RNF223: variants seen among roughly 807,000 people sequenced by gnomAD.
RNF223 encodes ring finger protein 223.
In RNF223, 10 loss-of-function variants were observed where a neutral mutation model predicts 13.9. The observed-to-expected ratio is 0.72, with a 90% CI of 0.44 to 1.22. RNF223 has a LOEUF of 1.22. Among genes scored for constraint, RNF223 ranks in the 50% most tolerant of loss-of-function variants. The pLI is 0.00. For missense variants in RNF223, 379 were observed against 380.0 expected, an observed-to-expected ratio of 1.00 and a Z score of 0.02; for synonymous variants, 168 against 173.3, an observed-to-expected ratio of 0.97 and a Z score of 0.24.
rs547452996 is a variant in RNF223 at position 1,072,288 on chromosome 1, A to G, written c.279T>C (p.Gly93=). 3.5e-6 allele frequency: 5 copies of G among 1,443,430 alleles called. No individual in the cohort carries two copies. The East Asian group carries it at 7.8e-5, about 23-fold the overall frequency. 89.4% of individuals were successfully genotyped at this position (1,443,430 alleles called of 1,614,324 possible). A position where few individuals can be genotyped will look rare whatever the true frequency, so the allele number is the denominator to read the frequency against. The part of the protein sequence containing the change: ...AAAQPVGRPG[G]EAVPCPFCRQ... ...TGCAGAAGGGGCAAGGTACAGCCTC[A>G]CCACCGGGGCGGCCCACAGGCTGAG... is the stretch of plus-strand genomic sequence containing the variant. The change falls in exon 2 of 2, where the codon GGT becomes GGC. Residue 93 remains glycine, a synonymous_variant. Transcript: ENST00000453464.
At chr1:1,072,653 G>C (rs562710654) in intron 1 of RNF223, 78 bp from the exon 2 acceptor site, 2 of 1,192,814 alleles carry the variant, frequency 1.7e-6, no homozygotes, top group Non-Finnish European at 2.3e-6. Flanking sequence ...CCCCTCTCTC[G>C]CCCCAGAGAT....
rs188944294 is a variant in RNF223, at chr1:1,072,350, C to T, written c.217G>A (p.Val73Ile). Residue 73 changes from valine to isoleucine, a missense_variant, in exon 2 of 2, where the codon GTC becomes ATC. Coordinates refer to ENST00000453464, the MANE Select transcript of RNF223 (RefSeq NM_001205252.2). The part of the protein sequence containing the change: ...KTPKELSCTH[V>I]FCLECLARLA... ...CGGGCCAGGCACTCCAGGCAGAAGACGTGGGTGCAGGAGAGCTCCTTGGGT... is the reference window on the plus strand; with the variant it reads ...CGGGCCAGGCACTCCAGGCAGAAGATGTGGGTGCAGGAGAGCTCCTTGGGT... The T allele has an allele frequency of 3.2e-4, 471 of 1,452,346 alleles. 3 individuals carry two copies. The Middle Eastern group carries it at 3.4e-3, about 10-fold the overall frequency. The allele number at this position is 1,452,346 out of a possible 1,614,324, so 90.0% of individuals were successfully genotyped here. A position where few individuals can be genotyped will look rare whatever the true frequency, so the allele number is the denominator to read the frequency against.
chr1:1,071,838 G>T lies in RNF223; in HGVS notation c.729C>A (p.Leu243=), dbSNP rs775705819. The change falls in exon 2 of 2, where the codon CTC becomes CTA. Residue 243 remains leucine (L), a synonymous_variant. Transcript: ENST00000453464. The part of the protein sequence containing the change: ...PPATSTAASP[L]GPLTDN Reference sequence around the variant, plus strand: ...GGCCCTAATTATCAGTCAGAGGCCCGAGGGGGGAGGCGGCTGTGCTGGTGG... The same window carrying T: ...GGCCCTAATTATCAGTCAGAGGCCCTAGGGGGGAGGCGGCTGTGCTGGTGG... 1 of 1,517,240 alleles carries T rather than the reference G, an allele frequency of 6.6e-7. No individual in the cohort carries two copies. The highest frequency in any genetic ancestry group is 1.2e-5 in the South Asian group (1 of 81,338). 94.0% of individuals were successfully genotyped at this position (1,517,240 alleles called of 1,614,324 possible). A position where few individuals can be genotyped will look rare whatever the true frequency, so the allele number is the denominator to read the frequency against.
In RNF223 at chr1:1,072,511, C is replaced by T. The variant is rs1165634251; in HGVS notation, c.56G>A (p.Ser19Asn). ...GGACCTGGGCATCGAGGCTATGGAG[C>T]TGCTCCGGCGAGGGGGTGGCACAGC... is the stretch of plus-strand genomic sequence containing the variant. ...HTAVPPPRRS[S>N]SIASMPRSPS... Residue 19 changes from serine to asparagine, a missense_variant, in exon 2 of 2, where the codon AGC becomes AAC. Ser to Asn is a conservative substitution (Grantham distance 46). Transcript: ENST00000453464. 1.3e-6 allele frequency: 2 copies of T among 1,532,148 alleles called. No homozygotes were observed. The highest frequency in any genetic ancestry group is 4.9e-5 in the East Asian group (2 of 40,664). 94.9% of individuals were successfully genotyped at this position (1,532,148 alleles called of 1,614,324 possible).
Position 1,072,325 on chromosome 1 carries a change from C to CGG in RNF223, c.240_241dup (p.Arg81ProfsTer85). The CGG allele has an allele frequency of 6.9e-7, 1 of 1,446,662 alleles. No individual in the cohort carries two copies. The allele number at this position is 1,446,662 out of a possible 1,614,324, so 89.6% of individuals were successfully genotyped here. A position where few individuals can be genotyped will look rare whatever the true frequency, so the allele number is the denominator to read the frequency against. On this transcript the variant is annotated frameshift_variant, in exon 2 of 2. Transcript: ENST00000453464. LOFTEE classifies it high-confidence loss of function. The stretch of plus-strand genomic sequence containing the variant: ...GCCCACAGGCTGAGCAGCCGCCAGC[C>CGG]GGGCCAGGCACTCCAGGCAGAAGAC...
In RNF223 at chr1:1,071,996, A is replaced by G. The variant is rs1645642915; in HGVS notation, c.571T>C (p.Cys191Arg). The G allele has an allele frequency of 2.0e-6, 3 of 1,510,390 alleles. No individual in the cohort carries two copies. Among genetic ancestry groups the G allele is most frequent in the Non-Finnish European group, 1.8e-6 (2 of 1,136,722 alleles). The allele number at this position is 1,510,390 out of a possible 1,614,324, so 93.6% of individuals were successfully genotyped here. A position where few individuals can be genotyped will look rare whatever the true frequency, so the allele number is the denominator to read the frequency against. ...AGTGCCATGCGCCTCCAGTCCCTGC[A>G]GCGCGCCCAGCAGCGGGCCAGGCGG... ...RGRLARCWAR[C>R]RDWRRMALVS... The change falls in exon 2 of 2, where the codon TGC (cysteine) becomes CGC (arginine). Residue 191 changes from cysteine (C) to arginine (R), a missense_variant. Transcript: ENST00000453464.
intron 1 of RNF223, among the ~76,000 whole-genome samples, chr1:1,072,958 G>T (rs1645653535): frequency 6.6e-6 from 1 of 152,224 alleles, no homozygotes; most frequent in Non-Finnish European, 1.5e-5. Context: ...TGTTTATGTC[G>T]GAGCTCTGCA....
chr1:1,071,801 G>A lies in RNF223; in HGVS notation c.*16C>T. On this transcript the variant is annotated 3_prime_UTR_variant, in exon 2 of 2. Transcript: ENST00000453464. Reference sequence around the variant, plus strand: ...AGCTGGGCGAGGGCGGCTGACCTGGGCAGAGGCTGCTGGCCCTAATTATCA... The same window carrying A: ...AGCTGGGCGAGGGCGGCTGACCTGGACAGAGGCTGCTGGCCCTAATTATCA... The A allele has an allele frequency of 6.8e-7, 1 of 1,477,228 alleles. No individual in the cohort carries two copies. Among genetic ancestry groups the A allele is most frequent in the Non-Finnish European group, 8.9e-7 (1 of 1,118,810 alleles). The allele number at this position is 1,477,228 out of a possible 1,614,324, so 91.5% of individuals were successfully genotyped here. A position where few individuals can be genotyped will look rare whatever the true frequency, so the allele number is the denominator to read the frequency against.
rs1226424687 is a variant in RNF223 at position 1,072,294 on chromosome 1, G to A, written c.273C>T (p.Pro91=). The part of the protein sequence containing the change: ...RLAAAQPVGR[P]GGEAVPCPFC... ...AGGGGCAAGGTACAGCCTCACCACC[G>A]GGGCGGCCCACAGGCTGAGCAGCCG... The change falls in exon 2 of 2, where the codon CCC becomes CCT. Residue 91 remains proline, a synonymous_variant. Coordinates refer to ENST00000453464, the MANE Select transcript of RNF223 (RefSeq NM_001205252.2). 13 of 1,442,744 alleles carry A rather than the reference G, an allele frequency of 9.0e-6. No homozygotes were observed. Among genetic ancestry groups the A allele is most frequent in the African/African-American group, 5.8e-5 (4 of 68,874 alleles). 89.4% of individuals were successfully genotyped at this position (1,442,744 alleles called of 1,614,324 possible).
Position 1,072,318 on chromosome 1 carries a change from C to T in RNF223, c.249G>A (p.Ala83=), listed in dbSNP as rs539540732. The T allele has an allele frequency of 1.2e-4, 173 of 1,445,114 alleles. No homozygotes were observed. The African/African-American group carries it at 1.9e-3, about 16-fold the overall frequency. 89.5% of individuals were successfully genotyped at this position (1,445,114 alleles called of 1,614,324 possible). Residue 83 remains alanine (A), a synonymous_variant, in exon 2 of 2, where the codon GCG becomes GCA. Coordinates refer to ENST00000453464, the MANE Select transcript of RNF223 (RefSeq NM_001205252.2). ...CGGGGCGGCCCACAGGCTGAGCAGC[C>T]GCCAGCCGGGCCAGGCACTCCAGGC... is the stretch of plus-strand genomic sequence containing the variant. The part of the protein sequence containing the change: ...VFCLECLARL[A]AAQPVGRPGG...
rs1405413760 is a variant in RNF223 at position 1,074,103 on chromosome 1, AGTGTCT to A, written c.-103_-98del. The A allele has an allele frequency of 6.6e-6, 1 of 152,128 alleles. No individual in the cohort carries two copies. Among genetic ancestry groups the A allele is most frequent in the African/African-American group, 2.4e-5 (1 of 41,392 alleles). The allele number at this position is 152,128 out of a possible 1,614,324, so 9.4% of individuals were successfully genotyped here. ...AGGCCCTGGGCTGCCCTGCCGTGGCAGTGTCTGCTTCCTCTTCTCCGGGCCCGGCCC... is the reference window on the plus strand; with the variant it reads ...AGGCCCTGGGCTGCCCTGCCGTGGCAGCTTCCTCTTCTCCGGGCCCGGCCC... On this transcript the variant is annotated 5_prime_UTR_variant, in exon 1 of 2. Transcript: ENST00000453464.
rs780569966 is a variant in RNF223 at position 1,071,894 on chromosome 1, G to A, written c.673C>T (p.Arg225Cys). 732 of 1,533,016 alleles carry A rather than the reference G, an allele frequency of 4.8e-4. 6 individuals carry two copies. In the African/African-American group the frequency reaches 9.1e-3, roughly 19 times the overall value. 95.0% of individuals were successfully genotyped at this position (1,533,016 alleles called of 1,614,324 possible). The change falls in exon 2 of 2, where the codon CGC becomes TGC. Residue 225 changes from arginine (R) to cysteine (C), a missense_variant. Transcript: ENST00000453464. ...GGCCGGGGGGGCAGGGGCAGGCAGC[G>A]CAGGTTCCCGGTCTTGAGCGCGCAC... ...VQCALKTGNL[R>C]CLPLPPRPPA...
In RNF223 at chr1:1,071,608, C is replaced by G; in HGVS notation, c.*209G>C. On this transcript the variant is annotated 3_prime_UTR_variant, in exon 2 of 2. Transcript: ENST00000453464. The stretch of plus-strand genomic sequence containing the variant: ...GGCTTTGGGGATCCTCTTGTCCACC[C>G]CGTCAGGACCCAGCCTGGAGAATGA... 4.1e-6 allele frequency: 2 copies of G among 492,420 alleles called. No individual in the cohort carries two copies. Among genetic ancestry groups the G allele is most frequent in the Non-Finnish European group, 3.5e-6 (1 of 282,858 alleles). 30.5% of individuals were successfully genotyped at this position (492,420 alleles called of 1,614,324 possible).
At chr1:1,072,633 A>C (rs1645651275) in intron 1 of RNF223, 58 bp from the exon 2 acceptor site, 2 of 1,323,778 alleles carry the variant, frequency 1.5e-6, no homozygotes, top group South Asian at 3.0e-5. Context: ...GTGGTGTTTT[A>C]TCTCTCCCTC....
intron 1 of RNF223, among the ~76,000 whole-genome samples, chr1:1,073,772 C>T (rs1313196866): frequency 1.3e-5 from 2 of 152,152 alleles, no homozygotes; most frequent in Non-Finnish European, 2.9e-5. Context: ...CCCCGCCCCA[C>T]CCCTGACTTG....
rs1645646227 is a variant in RNF223 at position 1,072,222 on chromosome 1, C to T, written c.345G>A (p.Leu115=). The T allele has an allele frequency of 1.3e-6, 2 of 1,486,516 alleles. No homozygotes were observed. The highest frequency in any genetic ancestry group is 1.8e-6 in the Non-Finnish European group (2 of 1,125,050). The allele number at this position is 1,486,516 out of a possible 1,614,324, so 92.1% of individuals were successfully genotyped here. A position where few individuals can be genotyped will look rare whatever the true frequency, so the allele number is the denominator to read the frequency against. The change falls in exon 2 of 2, where the codon CTG becomes CTA. Residue 115 remains leucine, a synonymous_variant. Transcript: ENST00000453464. ...GGGCCTGCAGCTGGCGGCTGGTGCA[C>T]AGCGCGGGGGCTCCGGCGGGCGGCA... is the stretch of plus-strand genomic sequence containing the variant. ...TAVPPAGAPA[L]CTSRQLQARM...
chr1:1,072,958 G>A (rs1645653535), intron 1 of RNF223, among the ~76,000 whole-genome samples: 1 of 152,224 alleles, frequency 6.6e-6, no homozygotes, highest in Non-Finnish European at 1.5e-5. Flanking sequence ...TGTTTATGTC[G>A]GAGCTCTGCA....
At chr1:1,073,567 G>A (rs2100729128) in intron 1 of RNF223, among the ~76,000 whole-genome samples, 1 of 152,320 alleles carries the variant, frequency 6.6e-6, no homozygotes, top group Middle Eastern at 3.4e-3. Flanking sequence ...CCTGGGCATG[G>A]CTCAGGTGGG....
intron 1 of RNF223, 49 bp from the exon 2 acceptor site, chr1:1,072,624 TG>T: frequency 7.2e-7 from 1 of 1,389,368 alleles, no homozygotes; most frequent in Non-Finnish European, 9.4e-7. Flanking sequence ...CCCTTTCTGG[TG>T]GTGTTTTATC....
Sources: allele counts gnomAD v4.1 joint callset (sites outside exome capture counted in the v4.1 genomes callset), GRCh38; gene constraint gnomAD v4.1.1; transcripts MANE v1.5; gene names NCBI Gene and HGNC (gene_info 2026-07-23, HGNC 2026-07-21).